Variants in RAB27B observed in about 807,000 individuals in gnomAD.
RAB27B encodes RAB27B, member RAS oncogene family.
Under a neutral mutation model 24.6 loss-of-function variants are expected in RAB27B, and 15 were observed. That is an observed-to-expected ratio of 0.61 (90% CI 0.41 to 0.94). The LOEUF is 0.94. Ranked by LOEUF, RAB27B falls within the 40% of genes least tolerant of loss-of-function variation. The pLI, the probability that RAB27B is intolerant of heterozygous loss-of-function variation, is 0.00. For synonymous variants in RAB27B, 105 were observed against 92.5 expected (o/e 1.14, Z -0.78); for missense variants, 261 against 266.8 (o/e 0.98, Z 0.15).
upstream of RAB27B, among the ~76,000 whole-genome samples, chr18:54,824,649 A>C (rs8091379): frequency 6.6e-6 from 1 of 152,114 alleles, no homozygotes; most frequent in Non-Finnish European, 1.5e-5. Flanking sequence ...ACTTCTGCCC[A>C]CAATCCATGA....
At chr18:54,745,869 A>AT (rs1910227392) in intron 2 of RAB27B, among the ~76,000 whole-genome samples, 1 of 147,936 alleles carries the variant, frequency 6.8e-6, no homozygotes, top group Admixed American at 6.8e-5. Context: ...TTAATAAAAT[A>AT]AATATAAGTA....
At chr18:54,737,588 A>C (rs1367048885) in intron 2 of RAB27B, among the ~76,000 whole-genome samples, 1 of 152,164 alleles carries the variant, frequency 6.6e-6, no homozygotes, top group Non-Finnish European at 1.5e-5. Flanking sequence ...TCTTTCTCGA[A>C]TGTGAGCACA....
chr18:54,795,445 T>C (rs1017020773), intron 2 of RAB27B, among the ~76,000 whole-genome samples: 5 of 152,180 alleles, frequency 3.3e-5, no homozygotes, highest in African/African-American at 1.2e-4. Flanking sequence ...GCCAAGGGGA[T>C]GGGAGATCAG....
intron 1 of RAB27B, among the ~76,000 whole-genome samples, chr18:54,850,357 T>TATATATATATATATATATACACATAC (rs1264669719): frequency 1.5e-5 from 2 of 130,564 alleles, no homozygotes; most frequent in African/African-American, 6.2e-5. Context: ...TATATATATA[T>TATATATATATATATATATACACATAC]ATACATACAT....
intron 5 of RAB27B, among the ~76,000 whole-genome samples, chr18:54,888,616 TAAA>T (rs893902941): frequency 6.9e-6 from 1 of 145,716 alleles, no homozygotes; most frequent in Non-Finnish European, 1.5e-5. Flanking sequence ...AATGGCAGCT[TAAA>T]AAAAAAAACA....
intron 1 of RAB27B, among the ~76,000 whole-genome samples, chr18:54,853,730 C>T (rs1911674472): frequency 6.6e-6 from 1 of 152,178 alleles, no homozygotes; most frequent in South Asian, 2.1e-4. Context: ...TAATTCCCTT[C>T]ATCCACTTTT....
At chr18:54,734,351 C>T (rs1909825124) in intron 2 of RAB27B, among the ~76,000 whole-genome samples, 2 of 152,262 alleles carry the variant, frequency 1.3e-5, no homozygotes, top group South Asian at 2.1e-4. Flanking sequence ...GTACTTGATA[C>T]TGTCTCTTCT....
At chr18:54,861,276 A>G (rs1911997944) in intron 1 of RAB27B, among the ~76,000 whole-genome samples, 1 of 152,232 alleles carries the variant, frequency 6.6e-6, no homozygotes, top group African/African-American at 2.4e-5. Flanking sequence ...TAAACAAGCC[A>G]TATCTTTAAT....
At chr18:54,800,232 C>T (rs569387655) in intron 2 of RAB27B, among the ~76,000 whole-genome samples, 1 of 152,266 alleles carries the variant, frequency 6.6e-6, no homozygotes, top group East Asian at 1.9e-4. Flanking sequence ...TGTAAATGGA[C>T]ATTGGAATTA....
At chr18:54,728,552 A>T (rs1008907562) in intron 2 of RAB27B, among the ~76,000 whole-genome samples, 10 of 152,084 alleles carry the variant, frequency 6.6e-5, no homozygotes, top group African/African-American at 2.4e-4. Flanking sequence ...ATACTAAAGG[A>T]AGTTCTTTGA....
intron 2 of RAB27B, among the ~76,000 whole-genome samples, chr18:54,793,107 T>G (rs1909305836): frequency 6.6e-6 from 1 of 152,208 alleles, no homozygotes; most frequent in Non-Finnish European, 1.5e-5. Flanking sequence ...TTTTTTTTTT[T>G]TTTAATTATT....
At chr18:54,876,430 G>A (rs185769141) in intron 1 of RAB27B, among the ~76,000 whole-genome samples, 1 of 152,286 alleles carries the variant, frequency 6.6e-6, no homozygotes, top group Admixed American at 6.5e-5. Flanking sequence ...AGGTGGAGAA[G>A]TCTTCCTCCC....
intron 2 of RAB27B, among the ~76,000 whole-genome samples, chr18:54,812,584 C>A (rs1253590224): frequency 6.6e-6 from 1 of 151,314 alleles, no homozygotes; most frequent in African/African-American, 2.4e-5. Context: ...CACACACACA[C>A]ACACACACAC....
At chr18:54,796,640 A>G (rs1018041024) in intron 2 of RAB27B, among the ~76,000 whole-genome samples, 27 of 151,470 alleles carry the variant, frequency 1.8e-4, no homozygotes, top group Admixed American at 1.7e-3. Flanking sequence ...CTATTGCTCT[A>G]CTCCTCTGCT....
At chr18:54,742,183 A>G (rs538751903) in intron 2 of RAB27B, among the ~76,000 whole-genome samples, 36 of 152,362 alleles carry the variant, frequency 2.4e-4, no homozygotes, top group African/African-American at 8.2e-4. Flanking sequence ...TGTTTGCAAA[A>G]TGACTTAATT....
intron 2 of RAB27B, among the ~76,000 whole-genome samples, chr18:54,770,679 T>G (rs1908515936): frequency 1.3e-5 from 2 of 151,956 alleles, no homozygotes; most frequent in African/African-American, 4.8e-5. Flanking sequence ...GCCAAAAATT[T>G]CGGGGACCGC....
At chr18:54,883,888 G>A (rs561218087) in intron 3 of RAB27B, among the ~76,000 whole-genome samples, 50 of 152,142 alleles carry the variant, frequency 3.3e-4, no homozygotes, top group African/African-American at 1.2e-3. Context: ...AACAAGTTGC[G>A]GTTTCCTTCA....
chr18:54,726,743 C>T (rs1909551274), intron 2 of RAB27B, among the ~76,000 whole-genome samples: 1 of 151,546 alleles, frequency 6.6e-6, no homozygotes, highest in African/African-American at 2.4e-5. Flanking sequence ...CTTCTACCTT[C>T]AAATTGTGTC....
At chr18:54,791,450 CTG>C (rs1387069297) in intron 2 of RAB27B, among the ~76,000 whole-genome samples, 1 of 152,148 alleles carries the variant, frequency 6.6e-6, no homozygotes, top group African/African-American at 2.4e-5. Flanking sequence ...TGGAACACGC[CTG>C]TAGTCCCAGC....
Sources: allele counts gnomAD v4.1 joint callset (sites outside exome capture counted in the v4.1 genomes callset), GRCh38; gene constraint gnomAD v4.1.1; transcripts MANE v1.5; gene names NCBI Gene and HGNC (gene_info 2026-07-23, HGNC 2026-07-21).